The following TDRD5 variants were observed in gnomAD, a reference collection of about 807,000 sequenced individuals.
TDRD5 encodes the protein tudor domain-containing protein 5.
A neutral mutation model predicts 120.6 loss-of-function variants in TDRD5; 41 were observed. The observed-to-expected ratio is 0.34, with a 90% CI of 0.26 to 0.44. The LOEUF is 0.44. Among genes scored for constraint, TDRD5 ranks in the 20% least tolerant of loss-of-function variants. The pLI, the probability that TDRD5 is intolerant of heterozygous loss-of-function variation, is 1.00. For synonymous variants in TDRD5, 430 were observed against 433.7 expected (o/e 0.99, Z 0.11); for missense variants, 1,006 against 1,221.2 (o/e 0.82, Z 2.63).
chr1:179,625,051 A>T (rs1415491073), intron 6 of TDRD5, among the ~76,000 whole-genome samples: 1 of 151,566 alleles, frequency 6.6e-6, no homozygotes, highest in Non-Finnish European at 1.5e-5. Flanking sequence ...ATATGGAAAG[A>T]TTACTTAAAG....
chr1:179,612,935 C>CAAAA (rs35980053), intron 4 of TDRD5, among the ~76,000 whole-genome samples: 9 of 88,446 alleles, frequency 1.0e-4, no homozygotes, highest in Admixed American at 1.3e-4. Context: ...GACTTTGTCT[C>CAAAA]AAAAAAAAAA....
At chr1:179,609,097 A>G (rs1676145610) in intron 4 of TDRD5, among the ~76,000 whole-genome samples, 1 of 152,120 alleles carries the variant, frequency 6.6e-6, no homozygotes, top group African/African-American at 2.4e-5. Context: ...TGCTCTCTCC[A>G]CGGGAACACC....
At position 179,684,382 on chromosome 1, in the gene TDRD5, CT is replaced by C. The variant is rs1331523951; in HGVS notation, c.2861-6308del. ...TCCCTACAAAGGACATGAACTCATC[CT>C]TTTTTATGGCTGCATAGTATTCCAT... On this transcript the variant is annotated intron_variant, in intron 17 of 17. Coordinates refer to ENST00000444136, the MANE Select transcript of TDRD5 (RefSeq NM_001199085.3). Among the ~76,000 whole-genome samples, 17 of 152,192 alleles carry C rather than the reference CT, an allele frequency of 1.1e-4. No homozygotes were observed. The South Asian group carries it at 3.3e-3, about 30-fold the overall frequency.
intron 11 of TDRD5, among the ~76,000 whole-genome samples, chr1:179,648,231 ATG>A (rs1376011648): frequency 6.8e-6 from 1 of 146,400 alleles, no homozygotes; most frequent in Non-Finnish European, 1.5e-5. Context: ...GATTAAGAAA[ATG>A]TGGCACATAT....
At chr1:179,592,415 C>G (rs1396947062) in intron 1 of TDRD5, 187 bp from the exon 2 acceptor site, 4 of 553,398 alleles carry the variant, frequency 7.2e-6, no homozygotes, top group South Asian at 6.1e-5. Context: ...GCTTAATCAA[C>G]GCAGGTGGAG....
intron 11 of TDRD5, among the ~76,000 whole-genome samples, chr1:179,641,940 A>G (rs1678071635): frequency 6.6e-6 from 1 of 152,064 alleles, no homozygotes; most frequent in African/African-American, 2.4e-5. Flanking sequence ...TCTTGGGGGC[A>G]TTTTATTTCC....
At position 179,621,019 on chromosome 1, in the gene TDRD5, A is replaced by T. The variant is rs554012847; in HGVS notation, c.916-16A>T. On this transcript the variant is annotated splice_polypyrimidine_tract_variant and intron_variant, in intron 5 of 17. Coordinates refer to ENST00000444136, the MANE Select transcript of TDRD5 (RefSeq NM_001199085.3). Reference sequence around the variant, plus strand: ...TTTCAGTGTGTCTATATTGTATTTCACTTTCTATTTGTTAGGTTGTATCTA... The same window carrying T: ...TTTCAGTGTGTCTATATTGTATTTCTCTTTCTATTTGTTAGGTTGTATCTA... 1.3e-6 allele frequency: 2 copies of T among 1,586,100 alleles called. No individual in the cohort carries two copies. Among genetic ancestry groups the T allele is most frequent in the Non-Finnish European group, 1.7e-6 (2 of 1,167,460 alleles).
chr1:179,664,386 T>G (rs891979758), intron 16 of TDRD5, among the ~76,000 whole-genome samples: 1 of 152,156 alleles, frequency 6.6e-6, no homozygotes. Flanking sequence ...TACACAGCTG[T>G]GCAGCTATCA....
Position 179,618,655 on chromosome 1 carries a change from T to C in TDRD5, c.888T>C (p.Ser296=), listed in dbSNP as rs1676687698. 1 of 1,596,862 alleles carries C rather than the reference T, an allele frequency of 6.3e-7. No individual in the cohort carries two copies. The highest frequency in any genetic ancestry group is 1.4e-5 in the African/African-American group (1 of 73,936). Residue 296 remains serine (S), a synonymous_variant, in exon 5 of 18, where the codon AGT becomes AGC. Coordinates refer to ENST00000444136, the MANE Select transcript of TDRD5 (RefSeq NM_001199085.3). ...AGATTGGACCTGGAGGAACTATCAG[T>C]TCAGAACTAAAACATAAGATAAAAT... is the stretch of plus-strand genomic sequence containing the variant. ...IAQIGPGGTI[S]SELKHKIKFV... is the part of the protein sequence containing the mutation.
chr1:179,595,855 GT>G, intron 4 of TDRD5, 37 bp downstream of exon 4: 1 of 1,547,620 alleles, frequency 6.5e-7, no homozygotes, highest in South Asian at 1.3e-5. Context: ...AATATACGAT[GT>G]TTTTAAATTC....
intron 6 of TDRD5, among the ~76,000 whole-genome samples, chr1:179,629,160 C>T (rs1282659274): frequency 1.3e-5 from 2 of 151,824 alleles, no homozygotes; most frequent in Non-Finnish European, 2.9e-5. Context: ...TCTCTTGGTG[C>T]GGAGGAGAAA....
rs750848742 is a variant in TDRD5 at position 179,595,682 on chromosome 1, T to G, written c.695T>G (p.Phe232Cys). Reference protein sequence around the residue: ...RMKQGSYSTGFPVAKPCFSQP... With the variant: ...RMKQGSYSTGCPVAKPCFSQP... ...AAACAAGGGTCATACTCCACAGGCT[T>G]TCCGGTAGCAAAGCCATGCTTTTCA... is the stretch of plus-strand genomic sequence containing the variant. Residue 232 changes from phenylalanine to cysteine, a missense_variant, in exon 4 of 18, where the codon TTT becomes TGT. Phe to Cys is a radical substitution (Grantham distance 205). Coordinates refer to ENST00000444136, the MANE Select transcript of TDRD5 (RefSeq NM_001199085.3). The G allele has an allele frequency of 1.2e-6, 2 of 1,613,660 alleles. No homozygotes were observed. Among genetic ancestry groups the G allele is most frequent in the Non-Finnish European group, 1.7e-6 (2 of 1,179,782 alleles).
intron 17 of TDRD5, among the ~76,000 whole-genome samples, chr1:179,675,405 G>A (rs1458806633): frequency 6.2e-5 from 9 of 145,264 alleles, no homozygotes; most frequent in Admixed American, 3.4e-4. Flanking sequence ...TCAGCCTCCC[G>A]AGTAGCTGGG....
chr1:179,599,208 A>G (rs1015251247), intron 4 of TDRD5, among the ~76,000 whole-genome samples: 1 of 152,068 alleles, frequency 6.6e-6, no homozygotes, highest in Non-Finnish European at 1.5e-5. Context: ...GTCATCATAT[A>G]GTATCCTTTT....
chr1:179,676,395 T>C (rs964381983), intron 17 of TDRD5, among the ~76,000 whole-genome samples: 8 of 152,244 alleles, frequency 5.3e-5, no homozygotes, highest in African/African-American at 1.9e-4. Flanking sequence ...TTCATCATGC[T>C]ATTTGTTGCC....
chr1:179,652,107 G>T lies in TDRD5; in HGVS notation c.2070G>T (p.Leu690Phe), dbSNP rs923247507. The T allele has an allele frequency of 6.2e-7, 1 of 1,614,030 alleles. No homozygotes were observed. The change falls in exon 13 of 18, where the codon TTG (leucine) becomes TTT (phenylalanine). Residue 690 changes from leucine (L) to phenylalanine (F), a missense_variant. Coordinates refer to ENST00000444136, the MANE Select transcript of TDRD5 (RefSeq NM_001199085.3). ...TSSGGPEDIVLTELGYPSQQH... is the reference protein window; with the variant it reads ...TSSGGPEDIVFTELGYPSQQH... ...GTGGAGGGCCAGAGGACATTGTCTT[G>T]ACAGAACTGGGTTATCCTTCCCAGC...
chr1:179,659,143 G>T (rs1412046491), intron 14 of TDRD5, among the ~76,000 whole-genome samples: 1 of 151,972 alleles, frequency 6.6e-6, no homozygotes, highest in Non-Finnish European at 1.5e-5. Context: ...ATTTGTTAAG[G>T]TTTGTTTTGT....
At chr1:179,660,215 T>G (rs1679230105) in intron 14 of TDRD5, among the ~76,000 whole-genome samples, 1 of 118,838 alleles carries the variant, frequency 8.4e-6, no homozygotes, top group South Asian at 3.1e-4. Flanking sequence ...ACTATGGTTT[T>G]TTTTTTTTTT....
intron 11 of TDRD5, among the ~76,000 whole-genome samples, chr1:179,647,129 G>A (rs1421139611): frequency 6.7e-6 from 1 of 148,844 alleles, no homozygotes; most frequent in African/African-American, 2.5e-5. Flanking sequence ...CCAAAAAAGA[G>A]CCCGCATCGC....
Sources: gnomAD v4.1 joint callset for allele counts (sites outside exome capture counted in the v4.1 genomes callset) on GRCh38, gnomAD v4.1.1 for gene constraint, MANE v1.5 for transcripts, NCBI Gene and HGNC (gene_info 2026-07-23, HGNC 2026-07-21) for gene names.